PCDHGA4: variants seen among roughly 807,000 people sequenced by gnomAD.
PCDHGA4 encodes the protein protocadherin gamma-A4.
In PCDHGA4, 38 loss-of-function variants were observed where a neutral mutation model predicts 54.6. That is an observed-to-expected ratio of 0.70 (90% CI 0.54 to 0.91). The LOEUF (loss-of-function observed/expected upper bound fraction) is 0.91. Among genes scored for constraint, PCDHGA4 ranks in the 40% least tolerant of loss-of-function variants. The probability of loss-of-function intolerance (pLI) is 0.00; values close to 1 mark genes in which losing one functional copy is unlikely to be tolerated. For synonymous variants in PCDHGA4, 511 were observed against 512.9 expected (o/e 1.00, Z 0.05); for missense variants, 1,298 against 1,220.9 (o/e 1.06, Z -0.94).
rs778564034 is a variant in PCDHGA4 at position 141,384,738 on chromosome 5, GC to G, written c.2514+27119del. ...CATACCTCCTGCTTAAGGCCAGCGA[GC>G]CAGGACTCTTTGCGGTTGGGCTGTA... On this transcript the variant is annotated intron_variant, in intron 1 of 3. Coordinates refer to ENST00000571252, the MANE Select transcript of PCDHGA4 (RefSeq NM_018917.4). 10 of 1,614,098 alleles carry G rather than the reference GC, an allele frequency of 6.2e-6. No individual in the cohort carries two copies. The East Asian group carries it at 2.2e-4, about 36-fold the overall frequency.
chr5:141,367,287 C>T (rs1765038188), intron 1 of PCDHGA4: 2 of 153,044 alleles, frequency 1.3e-5, no homozygotes, highest in African/African-American at 2.4e-5. Flanking sequence ...GCCTGTAATC[C>T]CAGCACTTTG....
chr5:141,384,296 C>T (rs763513374), intron 1 of PCDHGA4: 5 of 1,613,712 alleles, frequency 3.1e-6, no homozygotes, highest in Middle Eastern at 1.6e-4. Flanking sequence ...GAGAACAACC[C>T]CAGAGGGGCC....
At position 141,487,362 on chromosome 5, in the gene PCDHGA4, C is replaced by T; in HGVS notation, c.2515-7445C>T. On this transcript the variant is annotated intron_variant, in intron 1 of 3. Transcript: ENST00000571252. The surrounding 1 kb of genome is among the most constrained non-coding windows in gnomAD (Gnocchi z 5.0). The stretch of plus-strand genomic sequence containing the variant: ...GGAGTCACATGCTTTCCTGCTGGCA[C>T]CTGTGCCTGTCTCACCAGATCTCGA... 3 of 1,614,200 alleles carry T rather than the reference C, an allele frequency of 1.9e-6. No homozygotes were observed. Among genetic ancestry groups the T allele is most frequent in the Non-Finnish European group, 2.5e-6 (3 of 1,180,044 alleles).
Position 141,379,889 on chromosome 5 carries a change from C to CTTTTTTTTTTTTTTTTTTT in PCDHGA4, c.2514+22280_2514+22298dup, listed in dbSNP as rs70988800. ...CTTATTTTATGGTCTGTGAAAGCCT[C>CTTTTTTTTTTTTTTTTTTT]TTTTTTTTTTTTTTTTTTTTTTTTT... On this transcript the variant is annotated intron_variant, in intron 1 of 3. Transcript: ENST00000571252. Among the ~76,000 whole-genome samples, 178 of 50,830 alleles carry CTTTTTTTTTTTTTTTTTTT rather than the reference C, an allele frequency of 3.5e-3. 28 individuals are homozygous for CTTTTTTTTTTTTTTTTTTT. Among genetic ancestry groups the CTTTTTTTTTTTTTTTTTTT allele is most frequent in the Non-Finnish European group, 5.0e-3 (129 of 25,880 alleles). The allele number at this position is 50,830 out of a possible 152,430, so 33.3% of individuals were successfully genotyped here.
At chr5:141,417,027 GGT>G (rs1491367168) in intron 1 of PCDHGA4, 2 of 134,514 alleles carry the variant, frequency 1.5e-5, no homozygotes, top group Non-Finnish European at 3.1e-5. Flanking sequence ...GAAAAATACA[GGT>G]TTTTTTTTTA....
chr5:141,466,148 G>A (rs1201643685), intron 1 of PCDHGA4, among the ~76,000 whole-genome samples: 1 of 151,814 alleles, frequency 6.6e-6, no homozygotes, highest in Non-Finnish European at 1.5e-5. Flanking sequence ...GAAAACTCTG[G>A]TCTTAAACTG....
At chr5:141,494,976 G>A in intron 2 of PCDHGA4, 111 bp downstream of exon 2, 1 of 1,575,636 alleles carries the variant, frequency 6.3e-7, no homozygotes. Flanking sequence ...TTCTCCCTCA[G>A]TTTGAGATCC....
At chr5:141,423,248 C>A in intron 1 of PCDHGA4, 1 of 1,613,888 alleles carries the variant, frequency 6.2e-7, no homozygotes, top group Non-Finnish European at 8.5e-7. Context: ...GAAGTCCTGG[C>A]GGACCTCGGC....
chr5:141,414,783 G>C, intron 1 of PCDHGA4: 2 of 1,614,220 alleles, frequency 1.2e-6, no homozygotes, highest in Non-Finnish European at 1.7e-6. Context: ...AGATGCAGGT[G>C]ACAGCCAGCG....
rs951964805 is a variant in PCDHGA4, at chr5:141,512,109, C to A, written c.*936C>A. The A allele has an allele frequency of 1.0e-4, 16 of 152,656 alleles. No individual in the cohort carries two copies. The highest frequency in any genetic ancestry group is 1.5e-5 in the Non-Finnish European group (1 of 68,058). 9.5% of individuals were successfully genotyped at this position (152,656 alleles called of 1,614,324 possible). Reference sequence around the variant, plus strand: ...ACCAATAACTAGGCTGGACCCTTCCCACTACATAATAGGGCTCAGCCCAGG... The same window carrying A: ...ACCAATAACTAGGCTGGACCCTTCCAACTACATAATAGGGCTCAGCCCAGG... On this transcript the variant is annotated 3_prime_UTR_variant, in exon 4 of 4. Coordinates refer to ENST00000571252, the MANE Select transcript of PCDHGA4 (RefSeq NM_018917.4).
At position 141,476,251 on chromosome 5, in the gene PCDHGA4, C is replaced by T; in HGVS notation, c.2515-18556C>T. On this transcript the variant is annotated intron_variant, in intron 1 of 3. Coordinates refer to ENST00000571252, the MANE Select transcript of PCDHGA4 (RefSeq NM_018917.4). This position sits in a 1 kb window ranked among gnomAD's most constrained non-coding sequence, Gnocchi z 7.6. The stretch of plus-strand genomic sequence containing the variant: ...TCCCGGAGGAAAGAGAGAAGGGTTT[C>T]GCTGTGGGCAACGTGGTCGCGAACC... 1 of 1,613,866 alleles carries T rather than the reference C, an allele frequency of 6.2e-7. No homozygotes were observed. The highest frequency in any genetic ancestry group is 8.5e-7 in the Non-Finnish European group (1 of 1,179,978).
Position 141,384,659 on chromosome 5 carries a change from T to A in PCDHGA4, c.2514+27038T>A, listed in dbSNP as rs375759581. ...CCCCGCTCCGCAGAGCCCGGCTACC[T>A]GGTGACCAAGGTGGTGGCGGTGGAC... is the stretch of plus-strand genomic sequence containing the variant. On this transcript the variant is annotated intron_variant, in intron 1 of 3. Transcript: ENST00000571252. The A allele has an allele frequency of 3.1e-6, 5 of 1,614,076 alleles. No individual in the cohort carries two copies. In the African/African-American group the frequency reaches 6.7e-5, roughly 22 times the overall value.
chr5:141,371,961 G>A (rs532361069), intron 1 of PCDHGA4: 18 of 1,613,240 alleles, frequency 1.1e-5, no homozygotes, highest in African/African-American at 2.7e-5. Context: ...CTTCGACCAC[G>A]AGCAGCTGCG....
At chr5:141,470,957 TCCTCCCACCTCAG>T (rs2099244488) in intron 1 of PCDHGA4, among the ~76,000 whole-genome samples, 1 of 152,026 alleles carries the variant, frequency 6.6e-6, no homozygotes, top group South Asian at 2.1e-4. Flanking sequence ...CCTCAAGTGA[TCCTCCCACCTCAG>T]CCTCCCAAAG....
At chr5:141,394,639 T>C (rs2150578020) in intron 1 of PCDHGA4, 2 of 1,611,968 alleles carry the variant, frequency 1.2e-6, no homozygotes, top group Middle Eastern at 1.7e-4. Flanking sequence ...TACCGCCTGC[T>C]CAAGGCCAGC....
At chr5:141,416,859 G>C (rs1411419006) in intron 1 of PCDHGA4, 1 of 151,936 alleles carries the variant, frequency 6.6e-6, no homozygotes, top group African/African-American at 2.4e-5. Context: ...ATTTTTTTCA[G>C]GTCAGTCAAC....
In PCDHGA4 at chr5:141,357,450, G is replaced by A. The variant is rs541013509; in HGVS notation, c.2343G>A (p.Leu781=). 2 of 1,614,196 alleles carry A rather than the reference G, an allele frequency of 1.2e-6. No homozygotes were observed. The highest frequency in any genetic ancestry group is 2.2e-5 in the East Asian group (1 of 44,874). The part of the protein sequence containing the change: ...FVGVDGVRAF[L]QTYSHEVSLT... ...GCGTGGACGGGGTTCGGGCTTTCCT[G>A]CAGACCTATTCCCACGAGGTCTCCC... Residue 781 remains leucine, a synonymous_variant, in exon 1 of 4, where the codon CTG becomes CTA. Transcript: ENST00000571252.
At chr5:141,410,011 G>A in intron 1 of PCDHGA4, 1 of 1,613,302 alleles carries the variant, frequency 6.2e-7, no homozygotes, top group Non-Finnish European at 8.5e-7. Context: ...ACAACGCCTG[G>A]CTGTCCTACC....
intron 1 of PCDHGA4, among the ~76,000 whole-genome samples, chr5:141,483,294 T>G (rs1392406131): frequency 2.0e-5 from 3 of 152,100 alleles, no homozygotes; most frequent in Non-Finnish European, 4.4e-5. Flanking sequence ...CAGTCATAAG[T>G]GAAGGGACTG....
Sources: allele counts gnomAD v4.1 joint callset (sites outside exome capture counted in the v4.1 genomes callset), GRCh38; gene constraint gnomAD v4.1.1; non-coding constraint Gnocchi (gnomAD v3.1); transcripts MANE v1.5; gene names NCBI Gene and HGNC (gene_info 2026-07-23, HGNC 2026-07-21).